The following STK32B variants were observed in gnomAD, a reference collection of about 807,000 sequenced individuals.
STK32B encodes serine/threonine kinase 32B.
In STK32B, 43 loss-of-function variants were observed where a neutral mutation model predicts 52.6. The observed-to-expected ratio is 0.82, with a 90% CI of 0.64 to 1.05. STK32B has a LOEUF of 1.05. STK32B is among the 50% of genes least tolerant of loss of function. The pLI is 0.00. For missense variants in STK32B, 621 were observed against 534.6 expected (o/e 1.16, Z -1.59); for synonymous variants, 238 against 204.3 (o/e 1.17, Z -1.41).
At chr4:5,139,507 A>G (rs1419025083) in intron 1 of STK32B, 1 of 194,938 alleles carries the variant, frequency 5.1e-6, no homozygotes, top group Non-Finnish European at 1.1e-5. Flanking sequence ...GAAGTGAAGC[A>G]TGAAGGGGAG....
intron 11 of STK32B, among the ~76,000 whole-genome samples, chr4:5,489,768 G>C (rs1051465331): frequency 2.0e-5 from 3 of 151,982 alleles, no homozygotes; most frequent in Non-Finnish European, 4.4e-5. Flanking sequence ...ATTTACTTAC[G>C]TGACATGAAC....
In STK32B at chr4:5,235,422, T is replaced by C. The variant is rs116910262; in HGVS notation, c.260+66972T>C. On this transcript the variant is annotated intron_variant, in intron 3 of 11. Coordinates refer to ENST00000282908, the MANE Select transcript of STK32B (RefSeq NM_018401.3). ...CCTCATGTTGGAAAGAGAATGACAA[T>C]GGCGTGCCACTCCTACTGCTTTGGT... 3.4e-3 allele frequency among the ~76,000 whole-genome samples: 525 copies of C among 152,260 alleles called. 11 individuals are homozygous for C. In the East Asian group the frequency reaches 0.075, roughly 22 times the overall value.
chr4:5,480,882 T>C (rs1437832578), intron 11 of STK32B, among the ~76,000 whole-genome samples: 1 of 152,166 alleles, frequency 6.6e-6, no homozygotes, highest in Non-Finnish European at 1.5e-5. Flanking sequence ...GGTTTCCAGC[T>C]TCATCCATGT....
At chr4:5,204,854 T>C (rs1722444932) in intron 3 of STK32B, among the ~76,000 whole-genome samples, 1 of 152,214 alleles carries the variant, frequency 6.6e-6, no homozygotes, top group African/African-American at 2.4e-5. Context: ...CTCTCAGGGC[T>C]CCTGCCTCTT....
intron 11 of STK32B, among the ~76,000 whole-genome samples, chr4:5,480,301 C>T: frequency 6.6e-6 from 1 of 152,282 alleles, no homozygotes; most frequent in Non-Finnish European, 1.5e-5. Flanking sequence ...TGACACAGCC[C>T]TCAGGAGGTC....
chr4:5,143,551 T>G (rs2108836767), intron 2 of STK32B, among the ~76,000 whole-genome samples: 1 of 152,262 alleles, frequency 6.6e-6, no homozygotes, highest in Middle Eastern at 3.4e-3. Flanking sequence ...AGTTGAAGTT[T>G]CCCTTGTATG....
intron 3 of STK32B, among the ~76,000 whole-genome samples, chr4:5,188,382 C>T: frequency 6.6e-6 from 1 of 152,184 alleles, no homozygotes; most frequent in East Asian, 1.9e-4. Context: ...GCCCTTGATC[C>T]TCAAGTGTTT....
At chr4:5,140,475 A>G (rs911102195) in intron 2 of STK32B, among the ~76,000 whole-genome samples, 3 of 152,052 alleles carry the variant, frequency 2.0e-5, no homozygotes, top group African/African-American at 7.2e-5. Flanking sequence ...TTGAGTACCT[A>G]TTGAATGCCA....
At chr4:5,414,406 T>C (rs1239389137) in intron 5 of STK32B, among the ~76,000 whole-genome samples, 1 of 152,096 alleles carries the variant, frequency 6.6e-6, no homozygotes, top group Non-Finnish European at 1.5e-5. Context: ...TGGATATTCA[T>C]CCAAAATGGA....
At chr4:5,202,248 A>G (rs1390708444) in intron 3 of STK32B, among the ~76,000 whole-genome samples, 1 of 152,232 alleles carries the variant, frequency 6.6e-6, no homozygotes, top group African/African-American at 2.4e-5. Flanking sequence ...AAGCTCCAAC[A>G]TAGTCTCCTT....
intron 8 of STK32B, chr4:5,458,768 G>C (rs573859699): frequency 2.1e-4 from 32 of 152,400 alleles, no homozygotes; most frequent in African/African-American, 7.7e-4. Context: ...TCGGAGGGAT[G>C]CACATGGAGT....
chr4:5,205,729 T>TGTGC (rs1252940154), intron 3 of STK32B, among the ~76,000 whole-genome samples: 2 of 149,970 alleles, frequency 1.3e-5, no homozygotes, highest in African/African-American at 4.9e-5. Context: ...TGTGTGTGTG[T>TGTGC]GTGCATTTAG....
At chr4:5,113,343 T>C (rs956336785) in intron 1 of STK32B, among the ~76,000 whole-genome samples, 1 of 152,144 alleles carries the variant, frequency 6.6e-6, no homozygotes, top group Non-Finnish European at 1.5e-5. Context: ...GCCTCTAGAC[T>C]GTGAGAAATA....
chr4:5,167,588 A>T (rs980232033), intron 2 of STK32B, among the ~76,000 whole-genome samples: 4 of 152,218 alleles, frequency 2.6e-5, no homozygotes, highest in African/African-American at 9.6e-5. Flanking sequence ...CAGCCAGGAA[A>T]GGGTGTGCTG....
intron 3 of STK32B, among the ~76,000 whole-genome samples, chr4:5,317,410 T>A (rs1247204023): frequency 1.2e-5 from 1 of 82,152 alleles, no homozygotes; most frequent in Non-Finnish European, 1.9e-5. Context: ...ATAATGTATA[T>A]GTATTATATA....
At chr4:5,370,517 A>C (rs1205884636) in intron 4 of STK32B, among the ~76,000 whole-genome samples, 2 of 152,120 alleles carry the variant, frequency 1.3e-5, no homozygotes, top group Admixed American at 6.5e-5. Flanking sequence ...CGTCAAGCCC[A>C]GTGTTCAGTG....
chr4:5,230,115 C>T (rs548337485), intron 3 of STK32B, among the ~76,000 whole-genome samples: 1 of 150,844 alleles, frequency 6.6e-6, no homozygotes, highest in Non-Finnish European at 1.5e-5. Flanking sequence ...CCTGCCTCAG[C>T]CTCCCAAAAC....
At position 5,173,924 on chromosome 4, in the gene STK32B, A is replaced by G. The variant is rs144979626; in HGVS notation, c.260+5474A>G. Among the ~76,000 whole-genome samples the G allele has an allele frequency of 3.6e-3, 545 of 152,244 alleles. 3 individuals are homozygous for G. Among genetic ancestry groups the G allele is most frequent in the African/African-American group, 0.013 (520 of 41,546 alleles). Reference sequence around the variant, plus strand: ...TGGGATGTTAAAGTCTCCTATTATTATGGTGTGGGAGTCTAAGTCTCTTTG... The same window carrying G: ...TGGGATGTTAAAGTCTCCTATTATTGTGGTGTGGGAGTCTAAGTCTCTTTG... On this transcript the variant is annotated intron_variant, in intron 3 of 11. Transcript: ENST00000282908.
Position 5,058,109 on chromosome 4 carries a change from T to C in STK32B, c.52+6194T>C, listed in dbSNP as rs933249555. 2.0e-5 allele frequency among the ~76,000 whole-genome samples: 3 copies of C among 152,208 alleles called. No individual in the cohort carries two copies. Among genetic ancestry groups the C allele is most frequent in the Admixed American group, 6.5e-5 (1 of 15,282 alleles). ...GACCTCCTTGGAGTACCCTTATGCA[T>C]TGAAGATTTTGGCCTCTGCTTCATC... On this transcript the variant is annotated intron_variant, in intron 1 of 11. Transcript: ENST00000282908. The surrounding 1 kb of genome is among the most constrained non-coding windows in gnomAD (Gnocchi z 4.8).
Sources: allele counts gnomAD v4.1 joint callset (sites outside exome capture counted in the v4.1 genomes callset), GRCh38; gene constraint gnomAD v4.1.1; non-coding constraint Gnocchi (gnomAD v3.1); transcripts MANE v1.5; gene names NCBI Gene and HGNC (gene_info 2026-07-23, HGNC 2026-07-21).